GOLGA5: variants seen among roughly 807,000 people sequenced by gnomAD.
GOLGA5 encodes the protein golgin A5.
In GOLGA5, 50 loss-of-function variants were observed where a neutral mutation model predicts 93.5. That is an observed-to-expected ratio of 0.53 (90% CI 0.43 to 0.68). The LOEUF (loss-of-function observed/expected upper bound fraction) is 0.68. Ranked by LOEUF, GOLGA5 falls within the 30% of genes least tolerant of loss-of-function variation. The pLI is 0.00. For synonymous variants in GOLGA5, 312 were observed against 304.5 expected, an observed-to-expected ratio of 1.02 and a Z score of -0.26; for missense variants, 760 against 856.4, an observed-to-expected ratio of 0.89 and a Z score of 1.40.
intron 2 of GOLGA5, among the ~76,000 whole-genome samples, chr14:92,802,671 C>G (rs1884898248): frequency 6.6e-6 from 1 of 151,648 alleles, no homozygotes; most frequent in Non-Finnish European, 1.5e-5. Flanking sequence ...GTTTTTTCCT[C>G]TACCCTTGGA....
intron 7 of GOLGA5, among the ~76,000 whole-genome samples, chr14:92,817,657 CT>C (rs1368591736): frequency 6.6e-6 from 1 of 152,120 alleles, no homozygotes; most frequent in Non-Finnish European, 1.5e-5. Context: ...AAGGAAGAAA[CT>C]TTTTGTAGAG....
intron 2 of GOLGA5, among the ~76,000 whole-genome samples, chr14:92,802,024 C>G (rs371035011): frequency 3.3e-5 from 5 of 152,150 alleles, no homozygotes; most frequent in East Asian, 3.8e-4. Flanking sequence ...CTTTCCACTC[C>G]TGTATGCATT....
intron 8 of GOLGA5, among the ~76,000 whole-genome samples, chr14:92,821,749 T>C (rs905846254): frequency 1.3e-5 from 2 of 152,190 alleles, no homozygotes; most frequent in African/African-American, 4.8e-5. Flanking sequence ...ATTTCCTGAG[T>C]ACTCAGTGAA....
At chr14:92,831,271 A>T (rs533666639) in intron 9 of GOLGA5, among the ~76,000 whole-genome samples, 2 of 152,224 alleles carry the variant, frequency 1.3e-5, no homozygotes, top group South Asian at 4.1e-4. Context: ...GTAAATGAAG[A>T]TGTATGACCA....
At chr14:92,828,259 A>T (rs533816958) in intron 9 of GOLGA5, among the ~76,000 whole-genome samples, 4 of 152,340 alleles carry the variant, frequency 2.6e-5, no homozygotes, top group East Asian at 1.9e-4. Context: ...TTAGGGGCTA[A>T]TGCTGCTGGT....
intron 2 of GOLGA5, among the ~76,000 whole-genome samples, chr14:92,799,452 T>C (rs1884814502): frequency 6.7e-6 from 1 of 149,024 alleles, no homozygotes; most frequent in Non-Finnish European, 1.5e-5. Flanking sequence ...AATTTTTTTT[T>C]TTTTTTTGTA....
chr14:92,833,372 GA>G, intron 10 of GOLGA5, 25 bp downstream of exon 10: 1 of 1,410,276 alleles, frequency 7.1e-7, no homozygotes, highest in South Asian at 1.2e-5. Flanking sequence ...AATCTCAAAA[GA>G]ACATTTCATT....
chr14:92,821,227 A>G (rs1474953086), intron 8 of GOLGA5, among the ~76,000 whole-genome samples: 1 of 152,208 alleles, frequency 6.6e-6, no homozygotes, highest in Non-Finnish European at 1.5e-5. Context: ...ACAGCAGTAA[A>G]TATTATTTAA....
chr14:92,820,101 G>A lies in GOLGA5; in HGVS notation c.1620+265G>A, dbSNP rs575850500. ...GAAAGAACAGTGGGCCCAGGAGACC[G>A]GCGCTCAGCATACGGAGGACCTTCA... On this transcript the variant is annotated intron_variant, in intron 8 of 12. Transcript: ENST00000163416. 2.2e-4 allele frequency among the ~76,000 whole-genome samples: 34 copies of A among 152,306 alleles called. No individual in the cohort carries two copies. In the South Asian group the frequency reaches 4.6e-3, roughly 20 times the overall value.
chr14:92,838,499 C>T (rs929605849), intron 12 of GOLGA5, among the ~76,000 whole-genome samples: 1 of 152,234 alleles, frequency 6.6e-6, no homozygotes, highest in Admixed American at 6.5e-5. Context: ...TGCCGAGTAC[C>T]TGGGGCTACA....
intron 7 of GOLGA5, among the ~76,000 whole-genome samples, chr14:92,817,254 A>G (rs75666523): frequency 0.066 from 10,079 of 152,248 alleles, 401 homozygotes; most frequent in Middle Eastern, 0.12. Context: ...TTTCTAATCC[A>G]TAAGTTGACC....
Position 92,806,956 on chromosome 14 carries a change from T to A in GOLGA5, c.765T>A (p.Thr255=), listed in dbSNP as rs1323112265. 1.0e-5 allele frequency: 16 copies of A among 1,581,010 alleles called. No individual in the cohort carries two copies. The highest frequency in any genetic ancestry group is 1.2e-5 in the Non-Finnish European group (14 of 1,149,842). The change falls in exon 3 of 13, where the codon ACT becomes ACA. Residue 255 remains threonine (T), a synonymous_variant. Transcript: ENST00000163416. ...CGTTACTCCAAAGATCCAAAGAGAC[T>A]CAAGAAGGTAGAGGCTTAAATTGTT... ...MASLLQRSKE[T]QEELNKARAR...
intron 2 of GOLGA5, among the ~76,000 whole-genome samples, chr14:92,799,666 A>G (rs1884825426): frequency 6.7e-6 from 1 of 148,758 alleles, no homozygotes. Context: ...GAGTGCAGTG[A>G]CGCGATCTTA....
intron 1 of GOLGA5, 88 bp from the exon 2 acceptor site, chr14:92,797,320 C>A: frequency 1.4e-6 from 1 of 724,482 alleles, no homozygotes; most frequent in Non-Finnish European, 2.3e-6. Flanking sequence ...GATTTCAACC[C>A]AGGATTGCCT....
chr14:92,835,179 G>A (rs1885614819), intron 10 of GOLGA5, among the ~76,000 whole-genome samples: 1 of 152,108 alleles, frequency 6.6e-6, no homozygotes, highest in African/African-American at 2.4e-5. Flanking sequence ...AGTCTGGCAG[G>A]GGATGAAGCC....
chr14:92,805,065 C>G (rs1884955734), intron 2 of GOLGA5, among the ~76,000 whole-genome samples: 1 of 152,168 alleles, frequency 6.6e-6, no homozygotes, highest in Non-Finnish European at 1.5e-5. Context: ...GCACACAAAT[C>G]TTAGCTATAT....
chr14:92,807,674 G>T (rs1211987776), intron 3 of GOLGA5, among the ~76,000 whole-genome samples: 1 of 152,218 alleles, frequency 6.6e-6, no homozygotes, highest in Non-Finnish European at 1.5e-5. Flanking sequence ...ATTCAGTTCA[G>T]TGCCCTTGGG....
intron 7 of GOLGA5, 126 bp downstream of exon 7, chr14:92,816,547 T>G (rs80139657): frequency 3.9e-4 from 148 of 383,592 alleles, no homozygotes; most frequent in Non-Finnish European, 5.1e-4. Flanking sequence ...GCTTCGCTTC[T>G]CTTCTCTTCC....
chr14:92,815,636 A>G (rs994943115), intron 6 of GOLGA5, among the ~76,000 whole-genome samples: 2 of 152,056 alleles, frequency 1.3e-5, no homozygotes, highest in Non-Finnish European at 2.9e-5. Flanking sequence ...CAGGAGTTCA[A>G]GACCGGCCTG....
Sources: gnomAD v4.1 joint callset for allele counts (sites outside exome capture counted in the v4.1 genomes callset) on GRCh38, gnomAD v4.1.1 for gene constraint, MANE v1.5 for transcripts, NCBI Gene and HGNC (gene_info 2026-07-23, HGNC 2026-07-21) for gene names.